Variants in PUDP observed in about 807,000 individuals in gnomAD.
PUDP encodes pseudouridine 5'-phosphatase, also known as pseudouridine-5'-phosphatase.
PUDP carries 8 observed loss-of-function variants against 9.4 expected under a neutral mutation model. That is an observed-to-expected ratio of 0.85 (90% confidence interval 0.50 to 1.53). PUDP has a LOEUF of 1.53. PUDP is among the 40% of genes most tolerant of loss of function. PUDP has a pLI of 0.00. For missense variants in PUDP, 188 were observed against 189.7 expected (o/e 0.99, Z 0.05); for synonymous variants, 99 against 80.7 (o/e 1.23, Z -1.22).
intron 3 of PUDP, among the ~76,000 whole-genome samples, chrX:6,749,685 T>C (rs1925042462): frequency 8.9e-6 from 1 of 111,914 alleles, no homozygotes; most frequent in South Asian, 3.8e-4. Flanking sequence ...ATATGGGAAA[T>C]GATCATTTAT....
chrX:6,998,277 C>T (rs768875979), intron 1 of PUDP, among the ~76,000 whole-genome samples: 1 of 111,158 alleles, frequency 9.0e-6, no homozygotes, highest in South Asian at 3.8e-4. Flanking sequence ...TTGTATGACA[C>T]AATTGAGACC....
At chrX:6,785,873 T>C (rs1925638755) in intron 3 of PUDP, among the ~76,000 whole-genome samples, 1 of 111,780 alleles carries the variant, frequency 8.9e-6, no homozygotes, top group South Asian at 3.8e-4. Flanking sequence ...CCTGGATTCT[T>C]GCCCAATGTA....
At position 6,950,372 on chromosome X, in the gene PUDP, ATAACT is replaced by A. The variant is rs747322016; in HGVS notation, c.*247+26756_*247+26760del. On this transcript the variant is annotated intron_variant and NMD_transcript_variant, in intron 3 of 3. Coordinates refer to the PUDP transcript ENST00000655425. ...AAAAAAAAGATGGAGTCATAGTTTT[ATAACT>A]TAACTTATTTCTCATCAGTTAGTCA... Among the ~76,000 whole-genome samples the A allele has an allele frequency of 7.7e-4, 77 of 100,576 alleles. 1 individual carries two copies. The highest frequency in any genetic ancestry group is 2.7e-3 in the African/African-American group (75 of 27,575). 87.3% of individuals were successfully genotyped at this position (100,576 alleles called of 115,157 possible). A position where few individuals can be genotyped will look rare whatever the true frequency, so the allele number is the denominator to read the frequency against.
At chrX:6,771,049 A>T (rs959980034) in intron 3 of PUDP, among the ~76,000 whole-genome samples, 3 of 111,724 alleles carry the variant, frequency 2.7e-5, no homozygotes, top group Non-Finnish European at 5.6e-5. Flanking sequence ...AGTTCTATGC[A>T]AACTCCTCAG....
At chrX:7,125,109 C>T (rs1490101853) in intron 1 of PUDP, among the ~76,000 whole-genome samples, 1 of 111,092 alleles carries the variant, frequency 9.0e-6, no homozygotes, top group East Asian at 2.8e-4. Flanking sequence ...GCAGAGTTTA[C>T]AGAACTATGT....
chrX:6,766,840 A>G (rs1925291563), intron 3 of PUDP, among the ~76,000 whole-genome samples: 1 of 112,204 alleles, frequency 8.9e-6, no homozygotes. Flanking sequence ...GTAAATGTGT[A>G]CTAAAATACA....
chrX:6,800,888 T>C (rs1480759945), intron 3 of PUDP, among the ~76,000 whole-genome samples: 1 of 111,662 alleles, frequency 9.0e-6, no homozygotes, highest in Non-Finnish European at 1.9e-5. Flanking sequence ...TGCATACAAA[T>C]AGCATCTCTC....
At chrX:6,881,552 C>T (rs1039787530) in intron 3 of PUDP, among the ~76,000 whole-genome samples, 1 of 111,803 alleles carries the variant, frequency 8.9e-6, no homozygotes, top group African/African-American at 3.3e-5. Flanking sequence ...CAGATTAATG[C>T]TTCCTCCCTC....
intron 1 of PUDP, among the ~76,000 whole-genome samples, chrX:6,996,824 C>T (rs1929259418): frequency 1.9e-5 from 2 of 108,012 alleles, no homozygotes; most frequent in Non-Finnish European, 3.8e-5. Flanking sequence ...CTCACCACCA[C>T]ACCCAGCTAA....
intron 3 of PUDP, among the ~76,000 whole-genome samples, chrX:6,957,683 T>C (rs916403000): frequency 4.5e-5 from 5 of 112,324 alleles, no homozygotes; most frequent in Non-Finnish European, 9.4e-5. Context: ...GCTCGGGAAC[T>C]AGGTAATAAG....
At chrX:7,124,564 C>T (rs1360631149) in intron 1 of PUDP, among the ~76,000 whole-genome samples, 1 of 110,793 alleles carries the variant, frequency 9.0e-6, no homozygotes, top group Non-Finnish European at 1.9e-5. Context: ...TGCCAACACC[C>T]GATTTTACCA....
intron 1 of PUDP, among the ~76,000 whole-genome samples, chrX:7,112,222 G>C (rs1212407773): frequency 8.9e-6 from 1 of 111,793 alleles, no homozygotes; most frequent in Non-Finnish European, 1.9e-5. Context: ...ATCATACTTA[G>C]TGCGACTCTT....
intron 3 of PUDP, among the ~76,000 whole-genome samples, chrX:6,974,217 T>G (rs1928920390): frequency 8.9e-6 from 1 of 112,081 alleles, no homozygotes; most frequent in African/African-American, 3.2e-5. Flanking sequence ...AAGGTTAATA[T>G]TGTTATGTGT....
intron 1 of PUDP, among the ~76,000 whole-genome samples, chrX:7,121,385 G>T (rs1262466392): frequency 1.8e-5 from 2 of 111,566 alleles, no homozygotes; most frequent in African/African-American, 6.5e-5. Context: ...GGATGCCCAT[G>T]TTTTGGGGCT....
At position 6,931,236 on chromosome X, in the gene PUDP, C is replaced by A. The variant is rs1928186386; in HGVS notation, c.*247+45897G>T. Reference sequence around the variant, plus strand: ...TCATTGTTTATTGATTTGGAAGATTCTTGTGTTCCTGGTTTATATAACTGA... The same window carrying A: ...TCATTGTTTATTGATTTGGAAGATTATTGTGTTCCTGGTTTATATAACTGA... On this transcript the variant is annotated intron_variant and NMD_transcript_variant, in intron 3 of 3. Transcript: ENST00000655425. Among the ~76,000 whole-genome samples the A allele has an allele frequency of 2.7e-5, 3 of 112,138 alleles. No individual in the cohort carries two copies. The Admixed American group carries it at 2.8e-4, about 11-fold the overall frequency.
chrX:7,044,685 C>A (rs988849671), downstream of PUDP, among the ~76,000 whole-genome samples: 3 of 112,174 alleles, frequency 2.7e-5, no homozygotes, highest in Non-Finnish European at 5.6e-5. Flanking sequence ...AGCCCAGGGG[C>A]GCATGTTCTT....
intron 1 of PUDP, among the ~76,000 whole-genome samples, chrX:7,011,958 T>C (rs1445929351): frequency 1.8e-5 from 2 of 112,803 alleles, no homozygotes; most frequent in Non-Finnish European, 3.7e-5. Context: ...AGATCATTTA[T>C]GTTTTGAAAT....
chrX:7,077,482 G>C (rs1272191225), intron 2 of PUDP, 33 bp from the exon 3 acceptor site: 2 of 1,098,654 alleles, frequency 1.8e-6, no homozygotes, highest in Non-Finnish European at 2.5e-6. Context: ...TGAGGTGAGG[G>C]GCGAGGCCTC....
At chrX:7,021,112 G>C (rs1336458415) in intron 1 of PUDP, among the ~76,000 whole-genome samples, 2 of 112,252 alleles carry the variant, frequency 1.8e-5, no homozygotes, top group Non-Finnish European at 3.8e-5. Context: ...AAGCTCTCAG[G>C]GTCTTTTTAT....
Sources: allele counts gnomAD v4.1 joint callset (sites outside exome capture counted in the v4.1 genomes callset), GRCh38; gene constraint gnomAD v4.1.1; transcripts MANE v1.5; gene names NCBI Gene and HGNC (gene_info 2026-07-23, HGNC 2026-07-21).